SCLT1: variants seen among roughly 807,000 people sequenced by gnomAD.
SCLT1 encodes the protein sodium channel and clathrin linker 1, also known as sodium channel-associated protein 1.
A neutral mutation model predicts 112.8 loss-of-function variants in SCLT1; 78 were observed. The observed-to-expected ratio is 0.69, with a 90% CI of 0.58 to 0.83. The LOEUF is 0.83. SCLT1 is among the 40% of genes least tolerant of loss of function. The probability of loss-of-function intolerance (pLI) is 0.00; values close to 1 mark genes in which losing one functional copy is unlikely to be tolerated. For synonymous variants in SCLT1, 257 were observed against 254.7 expected (o/e 1.01, Z -0.09); for missense variants, 747 against 770.4 (o/e 0.97, Z 0.36).
rs1273234052 is a variant in SCLT1 at position 129,043,506 on chromosome 4, A to G, written c.162-39T>C. 16 of 880,592 alleles carry G rather than the reference A, an allele frequency of 1.8e-5. No individual in the cohort carries two copies. In the East Asian group the frequency reaches 4.2e-4, roughly 23 times the overall value. 54.5% of individuals were successfully genotyped at this position (880,592 alleles called of 1,614,324 possible). ...ATAAAAATATAGCATATTCTGTTCC[A>G]TCTAGTTTAATAAATATATAACAAG... On this transcript the variant is annotated intron_variant, in intron 3 of 20. Transcript: ENST00000281142.
chr4:128,972,912 T>C (rs1340879546), intron 9 of SCLT1, among the ~76,000 whole-genome samples: 1 of 152,152 alleles, frequency 6.6e-6, no homozygotes, highest in Non-Finnish European at 1.5e-5. Flanking sequence ...CTCCTCTACA[T>C]ATAAGTCTAC....
chr4:128,923,827 T>G (rs748249258), intron 18 of SCLT1, among the ~76,000 whole-genome samples: 20 of 152,216 alleles, frequency 1.3e-4, no homozygotes, highest in Middle Eastern at 3.4e-3. Context: ...TTGGTTTTAT[T>G]TTTGGAAAGA....
intron 1 of SCLT1, among the ~76,000 whole-genome samples, chr4:129,082,976 G>T (rs1269125913): frequency 1.3e-5 from 2 of 152,020 alleles, no homozygotes; most frequent in African/African-American, 4.8e-5. Flanking sequence ...TGGATCACTT[G>T]AGGTCGGGAG....
intron 18 of SCLT1, among the ~76,000 whole-genome samples, chr4:128,899,270 C>T (rs943669997): frequency 1.3e-5 from 2 of 152,134 alleles, no homozygotes; most frequent in Admixed American, 1.3e-4. Context: ...ATGCAAAAAT[C>T]CTCAATAAAA....
chr4:128,989,732 C>G (rs950945112), intron 9 of SCLT1, among the ~76,000 whole-genome samples: 1 of 150,756 alleles, frequency 6.6e-6, no homozygotes, highest in East Asian at 1.9e-4. Context: ...AAAAAAAATA[C>G]AGAAGACTCA....
At chr4:129,078,581 T>C (rs1182367515) in intron 2 of SCLT1, among the ~76,000 whole-genome samples, 1 of 151,918 alleles carries the variant, frequency 6.6e-6, no homozygotes, top group Non-Finnish European at 1.5e-5. Flanking sequence ...TAACAGCAAA[T>C]AGTGAATGGA....
At chr4:128,960,922 G>T (rs1230753878) in intron 11 of SCLT1, among the ~76,000 whole-genome samples, 3 of 46,988 alleles carry the variant, frequency 6.4e-5, no homozygotes, top group African/African-American at 1.6e-4. Flanking sequence ...GCGAGACTCC[G>T]TCTCAAAAAA....
intron 4 of SCLT1, among the ~76,000 whole-genome samples, chr4:128,875,409 C>A (rs558884086): frequency 1.3e-5 from 2 of 152,324 alleles, no homozygotes; most frequent in East Asian, 1.9e-4. Flanking sequence ...GATGGCGAGA[C>A]TGAAAAATAA....
chr4:128,958,968 A>C (rs73847313), intron 12 of SCLT1, among the ~76,000 whole-genome samples: 2,041 of 152,282 alleles, frequency 0.013, 48 homozygotes, highest in African/African-American at 0.045. Context: ...GCATTCGATG[A>C]ATGTTGGTAA....
chr4:128,925,758 T>C (rs1736245930), intron 18 of SCLT1, among the ~76,000 whole-genome samples: 1 of 152,154 alleles, frequency 6.6e-6, no homozygotes, highest in South Asian at 2.1e-4. Flanking sequence ...GGTCTTTTTT[T>C]CTCACTATGT....
At chr4:128,962,458 T>C (rs894115399) in intron 11 of SCLT1, among the ~76,000 whole-genome samples, 1 of 152,214 alleles carries the variant, frequency 6.6e-6, no homozygotes, top group South Asian at 2.1e-4. Context: ...TTGTATATTA[T>C]GTCTACTGTA....
At chr4:129,092,256 CTATA>C (rs1037948989) in intron 1 of SCLT1, among the ~76,000 whole-genome samples, 1 of 152,156 alleles carries the variant, frequency 6.6e-6, no homozygotes, top group African/African-American at 2.4e-5. Flanking sequence ...TGCCATTTCC[CTATA>C]TAAATATTCC....
At chr4:129,054,985 G>A (rs929517002) in intron 2 of SCLT1, among the ~76,000 whole-genome samples, 8 of 152,128 alleles carry the variant, frequency 5.3e-5, no homozygotes, top group African/African-American at 1.9e-4. Flanking sequence ...ACTGGTTTCC[G>A]TTTTTTAGCT....
At chr4:128,944,725 A>G (rs1021514321) in intron 16 of SCLT1, 1 of 152,216 alleles carries the variant, frequency 6.6e-6, no homozygotes, top group Admixed American at 6.5e-5. Context: ...ACATATGAAA[A>G]CTTAGGAGAA....
intron 18 of SCLT1, among the ~76,000 whole-genome samples, chr4:128,904,027 AC>A (rs1025592533): frequency 1.3e-5 from 2 of 152,208 alleles, no homozygotes; most frequent in Non-Finnish European, 2.9e-5. Flanking sequence ...AAACATTCAT[AC>A]CTATCAGAGA....
At chr4:128,880,066 T>C (rs897425389), downstream of SCLT1, among the ~76,000 whole-genome samples, 20 of 152,210 alleles carry the variant, frequency 1.3e-4, no homozygotes, top group African/African-American at 4.8e-4. Flanking sequence ...TAACTTACTT[T>C]TCATTTTGGA....
chr4:129,003,433 TAAA>T (rs533529824), intron 6 of SCLT1, among the ~76,000 whole-genome samples: 1 of 98,586 alleles, frequency 1.0e-5, no homozygotes. Flanking sequence ...AAAGTATAAT[TAAA>T]AAAAAAAAAA....
chr4:128,997,959 G>C lies in SCLT1; in HGVS notation c.550-20C>G. On this transcript the variant is annotated intron_variant, in intron 7 of 20. Coordinates refer to ENST00000281142, the MANE Select transcript of SCLT1 (RefSeq NM_144643.4). ...CTGATCCTACAGTGGGAAGGTAAGGGGAGTATATAAATAGCATTTTGTTGT... is the reference window on the plus strand; with the variant it reads ...CTGATCCTACAGTGGGAAGGTAAGGCGAGTATATAAATAGCATTTTGTTGT... 7.4e-7 allele frequency: 1 copy of C among 1,352,836 alleles called. No homozygotes were observed. The highest frequency in any genetic ancestry group is 1.7e-5 in the South Asian group (1 of 58,030). 83.8% of individuals were successfully genotyped at this position (1,352,836 alleles called of 1,614,324 possible). A position where few individuals can be genotyped will look rare whatever the true frequency, so the allele number is the denominator to read the frequency against.
chr4:128,922,238 G>C (rs1352045547), intron 18 of SCLT1, among the ~76,000 whole-genome samples: 1 of 152,186 alleles, frequency 6.6e-6, no homozygotes. Context: ...AAGCAGTTAG[G>C]AGATTTCTCA....
Sources: gnomAD v4.1 joint callset for allele counts (sites outside exome capture counted in the v4.1 genomes callset) on GRCh38, gnomAD v4.1.1 for gene constraint, MANE v1.5 for transcripts, NCBI Gene and HGNC (gene_info 2026-07-23, HGNC 2026-07-21) for gene names.